The following PTPRC variants were observed in gnomAD, a reference collection of about 807,000 sequenced individuals.
PTPRC encodes receptor-type tyrosine-protein phosphatase C.
In PTPRC, 44 loss-of-function variants were observed where a neutral mutation model predicts 155.9. That is an observed-to-expected ratio of 0.28 (90% CI 0.22 to 0.36). The LOEUF (loss-of-function observed/expected upper bound fraction) is 0.36, where lower values mean the gene tolerates loss of function less well. Among genes scored for constraint, PTPRC ranks in the 10% least tolerant of loss-of-function variants. The pLI is 1.00. For missense variants in PTPRC, 1,401 were observed against 1,564.6 expected, an observed-to-expected ratio of 0.90 and a Z score of 1.76; for synonymous variants, 525 against 533.1, an observed-to-expected ratio of 0.98 and a Z score of 0.21.
In PTPRC at chr1:198,756,040, T is replaced by C. The variant is rs1058191; in HGVS notation, c.3780T>C (p.Asn1260=). Residue 1260 remains asparagine (N), a synonymous_variant, in exon 33 of 33, where the codon AAT becomes AAC. Transcript: ENST00000442510. ...TGGACAAAGTAAAGCAGGATGCTAA[T>C]TGTGTTAATCCACTTGGTGCCCCAG... is the stretch of plus-strand genomic sequence containing the variant. ...NEVDKVKQDA[N]CVNPLGAPEK... 3.4e-3 allele frequency: 5,477 copies of C among 1,613,454 alleles called. 147 individuals carry two copies. In the African/African-American group the frequency reaches 0.063, roughly 19 times the overall value.
chr1:198,693,995 C>T lies in PTPRC; in HGVS notation c.100+1622C>T, dbSNP rs929599308. On this transcript the variant is annotated intron_variant, in intron 3 of 32. Transcript: ENST00000442510. ...GTAGTTTATGTGATTGACACACAAT[C>T]ACGAGGTGAATTCCCACAATAGGCC... 103 of 1,543,890 alleles carry T rather than the reference C, an allele frequency of 6.7e-5. 1 individual carries two copies. In the Admixed American group the frequency reaches 2.0e-3, roughly 30 times the overall value.
intron 2 of PTPRC, among the ~76,000 whole-genome samples, chr1:198,655,124 A>G (rs1242777819): frequency 6.6e-6 from 1 of 151,884 alleles, no homozygotes; most frequent in Non-Finnish European, 1.5e-5. Flanking sequence ...TTATTTTGTG[A>G]TGGTCTTTAC....
intron 3 of PTPRC, chr1:198,692,834 A>G (rs1666002761): frequency 1.1e-6 from 1 of 900,662 alleles, no homozygotes; most frequent in Non-Finnish European, 1.3e-6. Context: ...CTTTGAGACT[A>G]TTGAGATATT....
chr1:198,726,493 A>G (rs1229349755), intron 15 of PTPRC, among the ~76,000 whole-genome samples: 2 of 152,220 alleles, frequency 1.3e-5, no homozygotes, highest in African/African-American at 2.4e-5. Flanking sequence ...TATTTTATAT[A>G]TGAGGAAACT....
intron 2 of PTPRC, among the ~76,000 whole-genome samples, chr1:198,661,132 T>C (rs1033127102): frequency 6.6e-6 from 1 of 152,162 alleles, no homozygotes; most frequent in Admixed American, 6.5e-5. Flanking sequence ...GGTTTCAAAA[T>C]CTTAACACTG....
intron 12 of PTPRC, among the ~76,000 whole-genome samples, chr1:198,713,658 G>A (rs1653423645): frequency 6.6e-6 from 1 of 152,056 alleles, no homozygotes; most frequent in Non-Finnish European, 1.5e-5. Flanking sequence ...ATGTTCAAAT[G>A]AGATGCTATT....
intron 11 of PTPRC, 119 bp downstream of exon 11, chr1:198,709,943 T>C (rs1235172727): frequency 2.2e-6 from 3 of 1,358,600 alleles, no homozygotes; most frequent in Non-Finnish European, 3.0e-6. Flanking sequence ...TTTAAGCATA[T>C]GCTTTTTATT....
Position 198,706,921 on chromosome 1 carries a change from T to A in PTPRC, c.873T>A (p.Pro291=). The A allele has an allele frequency of 6.2e-7, 1 of 1,610,424 alleles. No individual in the cohort carries two copies. ...VSISHNSCTA[P]DKTLILDVPP... The stretch of plus-strand genomic sequence containing the variant: ...TATCTCATAATTCATGTACTGCTCC[T>A]GATAAGACATTAATATTAGATGTGC... The change falls in exon 9 of 33, where the codon CCT becomes CCA. Residue 291 remains proline, a synonymous_variant. Coordinates refer to ENST00000442510, the MANE Select transcript of PTPRC (RefSeq NM_002838.5).
chr1:198,744,028 A>G (rs765723040), intron 25 of PTPRC, 26 bp from the exon 26 acceptor site: 4 of 1,571,590 alleles, frequency 2.5e-6, no homozygotes, highest in African/African-American at 1.4e-5. Flanking sequence ...TCAGTTAACT[A>G]TCTGTATTTG....
chr1:198,651,862 A>G (rs1663271505), intron 2 of PTPRC, among the ~76,000 whole-genome samples: 2 of 151,830 alleles, frequency 1.3e-5, no homozygotes, highest in African/African-American at 4.8e-5. Context: ...GGGAAGTAAC[A>G]TTGAGTGTCT....
At chr1:198,655,174 T>C (rs1007343014) in intron 2 of PTPRC, among the ~76,000 whole-genome samples, 1 of 151,948 alleles carries the variant, frequency 6.6e-6, no homozygotes, top group African/African-American at 2.4e-5. Context: ...TTGCCGGTTT[T>C]TTTTAATTAG....
chr1:198,648,790 C>T (rs1300350944), intron 2 of PTPRC, among the ~76,000 whole-genome samples: 1 of 151,810 alleles, frequency 6.6e-6, no homozygotes, highest in Non-Finnish European at 1.5e-5. Flanking sequence ...AGGAGGCTAA[C>T]AAAGGACAGG....
At chr1:198,685,700 A>G (rs1035999813) in intron 2 of PTPRC, among the ~76,000 whole-genome samples, 1 of 152,068 alleles carries the variant, frequency 6.6e-6, no homozygotes, top group Admixed American at 6.6e-5. Context: ...GGAAAGCCAT[A>G]CATATCTGTT....
rs140308464 is a variant in PTPRC at position 198,753,983 on chromosome 1, T to C, written c.3510-286T>C. ...ATATTGGTTTCAACAACTTCAGATG[T>C]AAATAAAAATGCATTAAAATCCATA... On this transcript the variant is annotated intron_variant, in intron 31 of 32. Coordinates refer to ENST00000442510, the MANE Select transcript of PTPRC (RefSeq NM_002838.5). Among the ~76,000 whole-genome samples the C allele has an allele frequency of 9.9e-5, 15 of 152,166 alleles. No individual in the cohort carries two copies. The East Asian group carries it at 2.7e-3, about 27-fold the overall frequency.
chr1:198,728,487 T>C, intron 16 of PTPRC, 39 bp downstream of exon 16: 1 of 1,602,956 alleles, frequency 6.2e-7, no homozygotes, highest in Admixed American at 1.7e-5. Flanking sequence ...ATAATGGTAT[T>C]AGTAATGGTG....
At chr1:198,683,508 T>C (rs903670783) in intron 2 of PTPRC, among the ~76,000 whole-genome samples, 1 of 152,098 alleles carries the variant, frequency 6.6e-6, no homozygotes, top group Non-Finnish European at 1.5e-5. Context: ...AGCAAAAAGA[T>C]AATTAATATG....
intron 2 of PTPRC, among the ~76,000 whole-genome samples, chr1:198,639,702 T>C (rs1662466146): frequency 6.6e-6 from 1 of 152,064 alleles, no homozygotes; most frequent in Admixed American, 6.6e-5. Context: ...ATAAAATAAG[T>C]GAGTTTTTAT....
chr1:198,715,372 C>T (rs191933656), intron 12 of PTPRC, among the ~76,000 whole-genome samples: 3 of 152,034 alleles, frequency 2.0e-5, no homozygotes, highest in African/African-American at 7.2e-5. Flanking sequence ...TGATCCGATC[C>T]GCCCGCCTCG....
intron 2 of PTPRC, among the ~76,000 whole-genome samples, chr1:198,675,465 C>T (rs1664899885): frequency 6.6e-6 from 1 of 152,000 alleles, no homozygotes; most frequent in Non-Finnish European, 1.5e-5. Context: ...CTAATTTTAG[C>T]TTGATCTTCC....
Sources: gnomAD v4.1 joint callset for allele counts (sites outside exome capture counted in the v4.1 genomes callset) on GRCh38, gnomAD v4.1.1 for gene constraint, MANE v1.5 for transcripts, NCBI Gene and HGNC (gene_info 2026-07-23, HGNC 2026-07-21) for gene names.